Variants in XPR1 observed in about 807,000 individuals in gnomAD.
The protein encoded by XPR1 is xenotropic and polytropic retrovirus receptor 1, also known as solute carrier family 53 member 1.
A neutral mutation model predicts 87.5 loss-of-function variants in XPR1; 28 were observed. The ratio of observed to expected loss-of-function variants is 0.32; its 90% CI spans 0.24 to 0.44. The LOEUF (loss-of-function observed/expected upper bound fraction) is 0.44, where lower values mean the gene tolerates loss of function less well. XPR1 is among the 20% of genes least tolerant of loss of function. XPR1 has a pLI of 1.00. For synonymous variants in XPR1, 300 were observed against 306.1 expected (o/e 0.98, Z 0.21); for missense variants, 559 against 862.3 (o/e 0.65, Z 4.41).
intron 12 of XPR1, among the ~76,000 whole-genome samples, chr1:180,866,693 T>C (rs1652403307): frequency 6.6e-6 from 1 of 152,188 alleles, no homozygotes; most frequent in Non-Finnish European, 1.5e-5. Flanking sequence ...GTGAATGTGT[T>C]AAAATCCTCA....
chr1:180,801,585 T>C (rs1270273760), intron 3 of XPR1, among the ~76,000 whole-genome samples: 1 of 152,078 alleles, frequency 6.6e-6, no homozygotes, highest in African/African-American at 2.4e-5. Flanking sequence ...GGAAATTCTC[T>C]AGGAGAAAGA....
chr1:180,847,978 G>A (rs1207788268), intron 11 of XPR1, among the ~76,000 whole-genome samples: 1 of 152,028 alleles, frequency 6.6e-6, no homozygotes, highest in Non-Finnish European at 1.5e-5. Context: ...TACAAAACTA[G>A]CATAATTCTG....
intron 1 of XPR1, among the ~76,000 whole-genome samples, chr1:180,636,009 T>C (rs1188590824): frequency 6.6e-6 from 1 of 152,242 alleles, no homozygotes; most frequent in African/African-American, 2.4e-5. Flanking sequence ...AATAAGATGT[T>C]AACCCAGTGA....
chr1:180,661,558 A>G (rs1444088635), intron 1 of XPR1, among the ~76,000 whole-genome samples: 1 of 151,040 alleles, frequency 6.6e-6, no homozygotes, highest in African/African-American at 2.4e-5. Context: ...AGGCTTGTAA[A>G]TATTATCTAA....
chr1:180,672,630 C>G (rs1211268536), intron 1 of XPR1, among the ~76,000 whole-genome samples: 1 of 151,944 alleles, frequency 6.6e-6, no homozygotes, highest in African/African-American at 2.4e-5. Context: ...ATGAGACAAA[C>G]CATATTAGAT....
intron 1 of XPR1, among the ~76,000 whole-genome samples, chr1:180,665,900 G>A (rs1384029113): frequency 2.0e-5 from 3 of 151,974 alleles, no homozygotes; most frequent in African/African-American, 7.3e-5. Context: ...TGATGTTCCT[G>A]TGGGGATGAT....
At chr1:180,632,304 AG>A (rs1654611199) in intron 1 of XPR1, 34 bp downstream of exon 1, 1 of 1,597,736 alleles carries the variant, frequency 6.3e-7, no homozygotes, top group East Asian at 2.3e-5. Flanking sequence ...GAGGACTCGG[AG>A]GGGCCACCAT....
At chr1:180,853,275 A>G (rs1414107577) in intron 11 of XPR1, among the ~76,000 whole-genome samples, 3 of 152,070 alleles carry the variant, frequency 2.0e-5, no homozygotes, top group South Asian at 4.1e-4. Context: ...TTTCTTGTTC[A>G]GGTTAGGAAA....
chr1:180,689,724 T>A (rs925711917), intron 2 of XPR1, among the ~76,000 whole-genome samples: 2 of 152,228 alleles, frequency 1.3e-5, no homozygotes, highest in Non-Finnish European at 2.9e-5. Flanking sequence ...TAATGTATCA[T>A]TATTGATTCA....
chr1:180,684,430 C>T (rs1270630988), intron 2 of XPR1, among the ~76,000 whole-genome samples: 4 of 152,276 alleles, frequency 2.6e-5, no homozygotes, highest in South Asian at 4.1e-4. Flanking sequence ...GTGATGCCTC[C>T]GGCTTTCTTC....
chr1:180,848,763 T>TA (rs1651772936), intron 11 of XPR1, among the ~76,000 whole-genome samples: 1 of 152,168 alleles, frequency 6.6e-6, no homozygotes, highest in South Asian at 2.1e-4. Flanking sequence ...ATAGTGACTA[T>TA]ACTAGTTTAC....
chr1:180,829,224 G>A (rs1356975158), intron 9 of XPR1, among the ~76,000 whole-genome samples: 1 of 152,166 alleles, frequency 6.6e-6, no homozygotes, highest in Non-Finnish European at 1.5e-5. Context: ...TAACTTAAAA[G>A]AGGATGTTAA....
At chr1:180,697,062 G>C (rs1016012462) in intron 2 of XPR1, among the ~76,000 whole-genome samples, 5 of 151,982 alleles carry the variant, frequency 3.3e-5, no homozygotes, top group African/African-American at 1.2e-4. Context: ...ATTATTGTTA[G>C]TTATTTACAG....
intron 5 of XPR1, 51 bp downstream of exon 5, chr1:180,806,262 T>C: frequency 6.3e-7 from 1 of 1,589,188 alleles, no homozygotes; most frequent in Non-Finnish European, 8.6e-7. Context: ...ACGTTTTATA[T>C]TTAGGGAAGC....
intron 1 of XPR1, among the ~76,000 whole-genome samples, chr1:180,669,295 AT>A (rs1288887365): frequency 2.0e-5 from 3 of 151,874 alleles, no homozygotes; most frequent in Admixed American, 6.6e-5. Flanking sequence ...ATAAGTATGT[AT>A]TTTTTTCTCT....
At chr1:180,681,483 A>G (rs1475399798) in intron 1 of XPR1, among the ~76,000 whole-genome samples, 7 of 152,158 alleles carry the variant, frequency 4.6e-5, no homozygotes, top group African/African-American at 1.7e-4. Context: ...GTCTCTACTA[A>G]GAAATACAAA....
chr1:180,683,361 A>G (rs1222170205), intron 2 of XPR1, among the ~76,000 whole-genome samples: 1 of 151,940 alleles, frequency 6.6e-6, no homozygotes, highest in African/African-American at 2.4e-5. Flanking sequence ...AATCCAGTCT[A>G]TTGTTGTTGG....
At chr1:180,772,886 C>A (rs1648574071) in intron 2 of XPR1, among the ~76,000 whole-genome samples, 1 of 152,120 alleles carries the variant, frequency 6.6e-6, no homozygotes, top group Non-Finnish European at 1.5e-5. Flanking sequence ...CTGACTAATA[C>A]ATACACATAT....
chr1:180,803,050 A>G (rs896701091), intron 3 of XPR1, among the ~76,000 whole-genome samples: 28 of 152,216 alleles, frequency 1.8e-4, no homozygotes, highest in African/African-American at 6.8e-4. Flanking sequence ...GTATATGCCT[A>G]GGAATGGAAT....
Sources: allele counts gnomAD v4.1 joint callset (sites outside exome capture counted in the v4.1 genomes callset), GRCh38; gene constraint gnomAD v4.1.1; transcripts MANE v1.5; gene names NCBI Gene and HGNC (gene_info 2026-07-23, HGNC 2026-07-21).